SLC24A4: variants seen among roughly 807,000 people sequenced by gnomAD.
SLC24A4 encodes the protein solute carrier family 24 member 4.
Under a neutral mutation model 79.0 loss-of-function variants are expected in SLC24A4, and 53 were observed. That is an observed-to-expected ratio of 0.67 (90% confidence interval 0.54 to 0.84). SLC24A4 has a LOEUF of 0.84. Ranked by LOEUF, SLC24A4 falls within the 40% of genes least tolerant of loss-of-function variation. The pLI, the probability that SLC24A4 is intolerant of heterozygous loss-of-function variation, is 0.00. For missense variants in SLC24A4, 731 were observed against 822.0 expected, an observed-to-expected ratio of 0.89 and a Z score of 1.35; for synonymous variants, 323 against 323.8, an observed-to-expected ratio of 1.00 and a Z score of 0.03.
chr14:92,365,811 CAG>C (rs1428473481), intron 2 of SLC24A4, among the ~76,000 whole-genome samples: 1 of 152,152 alleles, frequency 6.6e-6, no homozygotes, highest in African/African-American at 2.4e-5. Flanking sequence ...AAGACTGAGG[CAG>C]AGAGTGAGAG....
At chr14:92,380,149 G>T (rs1888754130) in intron 2 of SLC24A4, among the ~76,000 whole-genome samples, 1 of 152,254 alleles carries the variant, frequency 6.6e-6, no homozygotes, top group Non-Finnish European at 1.5e-5. Context: ...AAAACGGGGT[G>T]CTCTGCATCC....
At chr14:92,454,414 C>G (rs914997856) in intron 11 of SLC24A4, among the ~76,000 whole-genome samples, 2 of 152,132 alleles carry the variant, frequency 1.3e-5, no homozygotes, top group African/African-American at 4.8e-5. Flanking sequence ...TCTCTGTGGA[C>G]AGAACAACTC....
chr14:92,488,049 TCTCCTC>T (rs371616460), intron 14 of SLC24A4, among the ~76,000 whole-genome samples: 75 of 146,416 alleles, frequency 5.1e-4, no homozygotes, highest in African/African-American at 1.8e-3. Context: ...CTTCCATCCT[TCTCCTC>T]CTCCTCCTCC....
At position 92,474,783 on chromosome 14, in the gene SLC24A4, A is replaced by ATG. The variant is rs1379992235; in HGVS notation, c.1256-7887_1256-7886dup. Among the ~76,000 whole-genome samples, 159 of 90,070 alleles carry ATG rather than the reference A, an allele frequency of 1.8e-3. 1 individual carries two copies. The highest frequency in any genetic ancestry group is 5.1e-3 in the Middle Eastern group (1 of 196). 59.1% of individuals were successfully genotyped at this position (90,070 alleles called of 152,430 possible). Reference sequence around the variant, plus strand: ...TATACGTATATATGTGTGTATATATATGTGTGTGTGTATATATATACATAT... The same window carrying ATG: ...TATACGTATATATGTGTGTATATATATGTGTGTGTGTGTATATATATACATAT... On this transcript the variant is annotated intron_variant, in intron 12 of 16. Coordinates refer to ENST00000532405, the MANE Select transcript of SLC24A4 (RefSeq NM_153646.4).
At chr14:92,416,190 T>A (rs1479285982) in intron 2 of SLC24A4, among the ~76,000 whole-genome samples, 1 of 151,904 alleles carries the variant, frequency 6.6e-6, no homozygotes, top group East Asian at 1.9e-4. Context: ...TTTCTAGCCT[T>A]CAGCTTAGAT....
intron 2 of SLC24A4, among the ~76,000 whole-genome samples, chr14:92,432,835 A>G (rs1399629643): frequency 6.6e-6 from 1 of 152,148 alleles, no homozygotes; most frequent in Non-Finnish European, 1.5e-5. Flanking sequence ...TTAGGGCCCA[A>G]TTATATTTGC....
At chr14:92,345,246 G>T (rs1002971237) in intron 2 of SLC24A4, among the ~76,000 whole-genome samples, 3 of 152,214 alleles carry the variant, frequency 2.0e-5, no homozygotes, top group Non-Finnish European at 2.9e-5. Context: ...TGTAAGCTCT[G>T]AAGTTGGACT....
intron 2 of SLC24A4, among the ~76,000 whole-genome samples, chr14:92,370,566 T>C (rs1277029651): frequency 6.6e-6 from 1 of 151,090 alleles, no homozygotes; most frequent in East Asian, 1.9e-4. Context: ...AAATTAAACA[T>C]GCTTTTATTA....
chr14:92,482,630 C>G (rs1416362832), intron 12 of SLC24A4, 50 bp from the exon 13 acceptor site: 1 of 1,526,638 alleles, frequency 6.6e-7, no homozygotes, highest in Admixed American at 1.9e-5. Flanking sequence ...GTGTGTTACC[C>G]AGTGTCTTTC....
rs1893298047 is a variant in SLC24A4 at position 92,453,885 on chromosome 14, T to G, written c.881-15T>G. 3 of 1,603,222 alleles carry G rather than the reference T, an allele frequency of 1.9e-6. No individual in the cohort carries two copies. The highest frequency in any genetic ancestry group is 2.6e-6 in the Non-Finnish European group (3 of 1,175,162). On this transcript the variant is annotated splice_polypyrimidine_tract_variant and intron_variant, in intron 10 of 16. Transcript: ENST00000532405. ...TCAGAGAGATCAGCACTAATCACGG[T>G]GTTGCGCTCAACAGTGAAGGAGAAG...
chr14:92,428,420 C>A (rs12589463), intron 2 of SLC24A4, among the ~76,000 whole-genome samples: 84 of 151,966 alleles, frequency 5.5e-4, no homozygotes, highest in Non-Finnish European at 9.3e-4. Flanking sequence ...TATCTAGGGT[C>A]CCTGAGGGGG....
At chr14:92,472,727 G>A (rs913997905) in intron 12 of SLC24A4, among the ~76,000 whole-genome samples, 2 of 152,086 alleles carry the variant, frequency 1.3e-5, no homozygotes, top group African/African-American at 4.8e-5. Flanking sequence ...TTGCAATTGC[G>A]AATTGTACTG....
intron 12 of SLC24A4, chr14:92,457,275 C>G (rs1298321451): frequency 2.6e-5 from 4 of 151,572 alleles, no homozygotes; most frequent in Non-Finnish European, 5.8e-5. Flanking sequence ...TCCTCACTGT[C>G]ATTCCTAGAA....
rs527341563 is a variant in SLC24A4, at chr14:92,497,833, G to C, written c.*4205G>C. The C allele has an allele frequency of 6.6e-6, 1 of 152,440 alleles. No individual in the cohort carries two copies. The highest frequency in any genetic ancestry group is 2.1e-4 in the South Asian group (1 of 4,824). 9.4% of individuals were successfully genotyped at this position (152,440 alleles called of 1,614,324 possible). On this transcript the variant is annotated 3_prime_UTR_variant, in exon 17 of 17. Transcript: ENST00000532405. ...TCCCTGGCTGGAAAAAGGTGGCTGT[G>C]CTGTCCCTGTGATCCACTCTCAGCA... is the stretch of plus-strand genomic sequence containing the variant.
intron 2 of SLC24A4, among the ~76,000 whole-genome samples, chr14:92,343,658 T>TTCCC (rs1566700246): frequency 8.2e-5 from 9 of 110,330 alleles, no homozygotes; most frequent in African/African-American, 3.2e-4. Context: ...CCTTCTTTCC[T>TTCCC]TCCTTCCTTC....
rs1226459079 is a variant in SLC24A4 at position 92,474,861 on chromosome 14, A to AT, written c.1256-7818dup. Among the ~76,000 whole-genome samples the AT allele has an allele frequency of 1.9e-3, 121 of 63,198 alleles. 3 individuals carry two copies. Among genetic ancestry groups the AT allele is most frequent in the Non-Finnish European group, 2.4e-3 (80 of 33,338 alleles). 41.5% of individuals were successfully genotyped at this position (63,198 alleles called of 152,430 possible). On this transcript the variant is annotated intron_variant, in intron 12 of 16. Coordinates refer to ENST00000532405, the MANE Select transcript of SLC24A4 (RefSeq NM_153646.4). ...TGTGTGTGTATATATATATATATAT[A>AT]TATTTTTTTTTTTTTTAGTAGACAC...
intron 2 of SLC24A4, among the ~76,000 whole-genome samples, chr14:92,390,240 G>A (rs912495091): frequency 6.6e-5 from 10 of 151,764 alleles, no homozygotes; most frequent in East Asian, 1.9e-4. Flanking sequence ...TTTCTCCCTC[G>A]CAAAGGGAGA....
chr14:92,380,488 A>G (rs901174921), intron 2 of SLC24A4, among the ~76,000 whole-genome samples: 2 of 152,192 alleles, frequency 1.3e-5, no homozygotes, highest in Non-Finnish European at 2.9e-5. Context: ...TCTAGTGAGA[A>G]TCTGTGATTT....
intron 2 of SLC24A4, among the ~76,000 whole-genome samples, chr14:92,348,912 C>T (rs186260428): frequency 3.3e-4 from 51 of 152,280 alleles, no homozygotes; most frequent in Non-Finnish European, 6.2e-4. Context: ...AGCCTAAACT[C>T]AGGAGGGAAA....
Sources: allele counts gnomAD v4.1 joint callset (sites outside exome capture counted in the v4.1 genomes callset), GRCh38; gene constraint gnomAD v4.1.1; transcripts MANE v1.5; gene names NCBI Gene and HGNC (gene_info 2026-07-23, HGNC 2026-07-21).